The following SEC23IP variants were observed in gnomAD, a reference collection of about 807,000 sequenced individuals.
SEC23IP encodes SEC23-interacting protein.
A neutral mutation model predicts 113.4 loss-of-function variants in SEC23IP; 70 were observed. The observed-to-expected ratio is 0.62, with a 90% CI of 0.51 to 0.75. The LOEUF is 0.75. Among genes scored for constraint, SEC23IP ranks in the 30% least tolerant of loss-of-function variants. The pLI is 0.00. For synonymous variants in SEC23IP, 398 were observed against 421.0 expected, an observed-to-expected ratio of 0.95 and a Z score of 0.67; for missense variants, 1,160 against 1,204.9, an observed-to-expected ratio of 0.96 and a Z score of 0.55.
intron 8 of SEC23IP, among the ~76,000 whole-genome samples, 178 bp downstream of exon 8, chr10:119,916,067 G>A (rs888418055): frequency 6.6e-6 from 1 of 152,120 alleles, no homozygotes; most frequent in African/African-American, 2.4e-5. Flanking sequence ...CTCTGTGTGT[G>A]TGCATTCCTT....
Position 119,937,629 on chromosome 10 carries a change from AAAAAAAAC to A in SEC23IP, c.*21-2942_*21-2935del, listed in dbSNP as rs573288806. 1.6e-4 allele frequency among the ~76,000 whole-genome samples: 24 copies of A among 152,122 alleles called. No individual in the cohort carries two copies. In the South Asian group the frequency reaches 3.9e-3, roughly 25 times the overall value. On this transcript the variant is annotated intron_variant, in intron 18 of 18. Transcript: ENST00000369075. ...TGACAGAGCGAGACTCCGTCTAAAA[AAAAAAAAC>A]AAAAAAACAAAAAACATAGCCCAGT...
At chr10:119,912,413 G>A (rs1285588748) in intron 6 of SEC23IP, among the ~76,000 whole-genome samples, 6 of 152,058 alleles carry the variant, frequency 3.9e-5, no homozygotes, top group Non-Finnish European at 5.9e-5. Context: ...AATTACAGGC[G>A]TGAGCCACTG....
At chr10:119,893,083 G>C in intron 1 of SEC23IP, 138 bp downstream of exon 1, 2 of 926,172 alleles carry the variant, frequency 2.2e-6, no homozygotes, top group Non-Finnish European at 3.2e-6. Context: ...GGCCAGGTTT[G>C]AGTGGGTCGG....
chr10:119,924,952 G>GT (rs757323250), intron 12 of SEC23IP, among the ~76,000 whole-genome samples: 4 of 151,598 alleles, frequency 2.6e-5, no homozygotes, highest in Non-Finnish European at 5.9e-5. Context: ...TAATTTTTCT[G>GT]TTTTTTTAGA....
chr10:119,895,309 G>C (rs1351491423), intron 1 of SEC23IP, among the ~76,000 whole-genome samples: 1 of 152,162 alleles, frequency 6.6e-6, no homozygotes, highest in Non-Finnish European at 1.5e-5. Context: ...GCTTGAGGAG[G>C]AGGTTGCAGT....
At chr10:119,896,593 T>C (rs1162275651) in intron 1 of SEC23IP, among the ~76,000 whole-genome samples, 1 of 152,190 alleles carries the variant, frequency 6.6e-6, no homozygotes, top group African/African-American at 2.4e-5. Context: ...GTCACAAATA[T>C]ACAAGTGCCT....
chr10:119,919,833 C>T (rs1214616269), intron 11 of SEC23IP, among the ~76,000 whole-genome samples: 1 of 152,096 alleles, frequency 6.6e-6, no homozygotes, highest in Non-Finnish European at 1.5e-5. Context: ...ACACCATAAA[C>T]AACATCTAAA....
At chr10:119,910,660 C>T (rs969263700) in intron 5 of SEC23IP, among the ~76,000 whole-genome samples, 1 of 152,096 alleles carries the variant, frequency 6.6e-6, no homozygotes, top group Non-Finnish European at 1.5e-5. Flanking sequence ...CATTTCTCCT[C>T]TCCATAGTAA....
chr10:119,932,526 G>C (rs112712890), intron 16 of SEC23IP, among the ~76,000 whole-genome samples: 2 of 152,208 alleles, frequency 1.3e-5, no homozygotes, highest in African/African-American at 4.8e-5. Context: ...TTATCTGATA[G>C]TTACTGAACT....
intron 2 of SEC23IP, among the ~76,000 whole-genome samples, chr10:119,901,639 C>G (rs1854501799): frequency 1.3e-5 from 2 of 152,102 alleles, no homozygotes; most frequent in Admixed American, 6.5e-5. Flanking sequence ...CACCAATTTC[C>G]TATTTTAAAT....
Position 119,892,789 on chromosome 10 carries a change from G to A in SEC23IP, c.7G>A (p.Glu3Lys). The A allele has an allele frequency of 6.2e-7, 1 of 1,609,700 alleles. No homozygotes were observed. The highest frequency in any genetic ancestry group is 1.1e-5 in the South Asian group (1 of 90,404). ...CGGACGGTGGGCCGCAGCCATGGCC[G>A]AGAGAAAACCTAACGGTGGCAGCGG... MA[E>K]RKPNGGSGGA... Residue 3 changes from glutamate to lysine, a missense_variant, in exon 1 of 19, where the codon GAG becomes AAG. Coordinates refer to ENST00000369075, the MANE Select transcript of SEC23IP (RefSeq NM_007190.4).
At chr10:119,897,006 T>G (rs897753179) in intron 1 of SEC23IP, among the ~76,000 whole-genome samples, 1 of 152,166 alleles carries the variant, frequency 6.6e-6, no homozygotes, top group Non-Finnish European at 1.5e-5. Context: ...GTTAAACTGA[T>G]GTGTGTAAAT....
At chr10:119,940,241 G>A (rs556318021) in intron 18 of SEC23IP, among the ~76,000 whole-genome samples, 19 of 147,996 alleles carry the variant, frequency 1.3e-4, no homozygotes, top group African/African-American at 3.7e-4. Context: ...AGGCTGGAGT[G>A]CAGTGGCGTC....
rs2134554781 is a variant in SEC23IP, at chr10:119,943,977, T to G, written c.*3412T>G. 6.6e-6 allele frequency: 1 copy of G among 152,360 alleles called. No homozygotes were observed. The highest frequency in any genetic ancestry group is 1.9e-4 in the East Asian group (1 of 5,186). 9.4% of individuals were successfully genotyped at this position (152,360 alleles called of 1,614,324 possible). A position where few individuals can be genotyped will look rare whatever the true frequency, so the allele number is the denominator to read the frequency against. On this transcript the variant is annotated 3_prime_UTR_variant, in exon 19 of 19. Transcript: ENST00000369075. ...GAGTGGTTTTTAAAAGACCTTACTA[T>G]GGAATTTTCACAAATACTCAAAAGT...
chr10:119,906,410 G>GT (rs57638351), intron 4 of SEC23IP, among the ~76,000 whole-genome samples: 2,642 of 134,330 alleles, frequency 0.02, 61 homozygotes, highest in African/African-American at 0.062. Context: ...TCACATCAGG[G>GT]TTTTTTTTTT....
chr10:119,926,367 A>G, intron 13 of SEC23IP, 140 bp downstream of exon 13: 1 of 875,192 alleles, frequency 1.1e-6, no homozygotes, highest in Non-Finnish European at 1.7e-6. Context: ...CTTAGTGAAA[A>G]TTTTTTTCTT....
chr10:119,909,076 G>A lies in SEC23IP; in HGVS notation c.1137G>A (p.Trp379Ter). 1.9e-6 allele frequency: 3 copies of A among 1,613,110 alleles called. No homozygotes were observed. Among genetic ancestry groups the A allele is most frequent in the Non-Finnish European group, 2.5e-6 (3 of 1,179,514 alleles). ...EYKKAVTTNQ[W>*]HRRLEFPSGE... ...AAAAAGCTGTAACCACTAATCAGTG[G>A]CACCGAAGATTAGAGTTTCCAAGTG... Residue 379 changes from tryptophan to a stop codon, truncating the protein, a stop_gained, in exon 5 of 19, where the codon TGG becomes TGA. Transcript: ENST00000369075. LOFTEE classifies it high-confidence loss of function.
In SEC23IP at chr10:119,943,287, A is replaced by C. The variant is rs975800867; in HGVS notation, c.*2722A>C. On this transcript the variant is annotated 3_prime_UTR_variant, in exon 19 of 19. Coordinates refer to ENST00000369075, the MANE Select transcript of SEC23IP (RefSeq NM_007190.4). ...TGGGTCCTCAGAGGAGAGTGGATAG[A>C]ATTCAGTTCCTCTATGAGCTGGGGT... The C allele has an allele frequency of 2.0e-5, 3 of 152,164 alleles. No homozygotes were observed. Among genetic ancestry groups the C allele is most frequent in the Non-Finnish European group, 4.4e-5 (3 of 68,042 alleles). 9.4% of individuals were successfully genotyped at this position (152,164 alleles called of 1,614,324 possible). A position where few individuals can be genotyped will look rare whatever the true frequency, so the allele number is the denominator to read the frequency against.
At chr10:119,893,452 T>G (rs1420533420) in intron 1 of SEC23IP, among the ~76,000 whole-genome samples, 2 of 151,908 alleles carry the variant, frequency 1.3e-5, no homozygotes, top group African/African-American at 4.8e-5. Context: ...TAAGATGGAC[T>G]GTGCCCCTCT....
Sources: gnomAD v4.1 joint callset for allele counts (sites outside exome capture counted in the v4.1 genomes callset) on GRCh38, gnomAD v4.1.1 for gene constraint, MANE v1.5 for transcripts, NCBI Gene and HGNC (gene_info 2026-07-23, HGNC 2026-07-21) for gene names.